Variants in EXOC6B observed in about 807,000 individuals in gnomAD.
EXOC6B encodes SEC15 homolog B.
In EXOC6B, 54 loss-of-function variants were observed where a neutral mutation model predicts 113.5. The ratio of observed to expected loss-of-function variants is 0.48; its 90% CI spans 0.38 to 0.60. The LOEUF (loss-of-function observed/expected upper bound fraction) is 0.60. Among genes scored for constraint, EXOC6B ranks in the 20% least tolerant of loss-of-function variants. The pLI, the probability that EXOC6B is intolerant of heterozygous loss-of-function variation, is 0.00. For synonymous variants in EXOC6B, 357 were observed against 339.0 expected, an observed-to-expected ratio of 1.05 and a Z score of -0.58; for missense variants, 797 against 977.5, an observed-to-expected ratio of 0.82 and a Z score of 2.46.
In EXOC6B at chr2:72,455,837, AAG is replaced by A. The variant is rs373619289; in HGVS notation, c.1980+9321_1980+9322del. Among the ~76,000 whole-genome samples, 22 of 152,194 alleles carry A rather than the reference AAG, an allele frequency of 1.4e-4. 2 individuals carry two copies. The highest frequency in any genetic ancestry group is 4.6e-4 in the African/African-American group (19 of 41,552). The stretch of plus-strand genomic sequence containing the variant: ...AGACACACAGAGAGAGAGAAAGAAA[AAG>A]AGAGAAACAGAGAGGGAGAGGACAC... On this transcript the variant is annotated intron_variant, in intron 18 of 21. Transcript: ENST00000272427.
At chr2:72,775,798 T>C (rs1056259889) in intron 1 of EXOC6B, among the ~76,000 whole-genome samples, 3 of 152,126 alleles carry the variant, frequency 2.0e-5, no homozygotes, top group African/African-American at 7.2e-5. Flanking sequence ...ACCATAGCAA[T>C]CATTACAGTG....
chr2:72,797,831 TTAATTAA>T (rs1212286208), intron 1 of EXOC6B, among the ~76,000 whole-genome samples: 8 of 150,226 alleles, frequency 5.3e-5, no homozygotes, highest in Non-Finnish European at 1.2e-4. Flanking sequence ...AATTAATTAA[TTAATTAA>T]TAATAATAAT....
chr2:72,780,367 C>T (rs1683951951), intron 1 of EXOC6B, among the ~76,000 whole-genome samples: 1 of 152,166 alleles, frequency 6.6e-6, no homozygotes, highest in Non-Finnish European at 1.5e-5. Context: ...AAAGAACAAG[C>T]TCTAACACTT....
chr2:72,433,018 T>C (rs1695636567), intron 18 of EXOC6B, among the ~76,000 whole-genome samples: 1 of 152,246 alleles, frequency 6.6e-6, no homozygotes, highest in Non-Finnish European at 1.5e-5. Context: ...GCCTAGGTTT[T>C]CTTCTACAGT....
At chr2:72,289,655 G>T (rs545887264) in intron 20 of EXOC6B, among the ~76,000 whole-genome samples, 3 of 152,266 alleles carry the variant, frequency 2.0e-5, no homozygotes, top group Admixed American at 6.5e-5. Flanking sequence ...AGAATGCCCA[G>T]ATATTTTGTC....
At chr2:72,185,619 C>G (rs1211327086) in intron 20 of EXOC6B, among the ~76,000 whole-genome samples, 2 of 152,166 alleles carry the variant, frequency 1.3e-5, no homozygotes. Flanking sequence ...CAGGTCATGC[C>G]TATTTTCATT....
At chr2:72,351,057 A>G (rs1275238449) in intron 19 of EXOC6B, among the ~76,000 whole-genome samples, 1 of 152,184 alleles carries the variant, frequency 6.6e-6, no homozygotes. Context: ...TGACGGGCAG[A>G]CAGCTGAGAA....
chr2:72,381,062 A>G (rs1283365682), intron 18 of EXOC6B, among the ~76,000 whole-genome samples: 2 of 152,182 alleles, frequency 1.3e-5, no homozygotes, highest in African/African-American at 2.4e-5. Flanking sequence ...CTCCTTAATC[A>G]TGTTCCTCCC....
chr2:72,790,830 T>C (rs1434649005), intron 1 of EXOC6B, among the ~76,000 whole-genome samples: 1 of 151,900 alleles, frequency 6.6e-6, no homozygotes, highest in Non-Finnish European at 1.5e-5. Context: ...GAACTGAAAA[T>C]AGGCCTATTG....
chr2:72,516,985 T>G lies in EXOC6B; in HGVS notation c.916-1859A>C, dbSNP rs74838580. On this transcript the variant is annotated intron_variant, in intron 8 of 21. Coordinates refer to ENST00000272427, the MANE Select transcript of EXOC6B (RefSeq NM_015189.3). ...GCCTTCCTGAAAAATTGAAGAACTTTATTCAAGATGATTTATTTGTTAGAT... is the reference window on the plus strand; with the variant it reads ...GCCTTCCTGAAAAATTGAAGAACTTGATTCAAGATGATTTATTTGTTAGAT... Among the ~76,000 whole-genome samples, 1,519 of 152,354 alleles carry G rather than the reference T, an allele frequency of 1.0e-2. 9 individuals carry two copies. Among genetic ancestry groups the G allele is most frequent in the Middle Eastern group, 0.027 (8 of 294 alleles).
chr2:72,277,178 C>A, intron 20 of EXOC6B, among the ~76,000 whole-genome samples: 1 of 152,110 alleles, frequency 6.6e-6, no homozygotes, highest in East Asian at 1.9e-4. Flanking sequence ...GTTGCTGAAT[C>A]CAGTGATTTA....
chr2:72,397,636 A>T lies in EXOC6B; in HGVS notation c.1981-17766T>A, dbSNP rs1338543423. ...TCATCTCAAAAAAAAAAAATAAAAT[A>T]AAATAAAATAAAATAAAATAAAATT... is the stretch of plus-strand genomic sequence containing the variant. On this transcript the variant is annotated intron_variant, in intron 18 of 21. Transcript: ENST00000272427. Among the ~76,000 whole-genome samples, 508 of 121,200 alleles carry T rather than the reference A, an allele frequency of 4.2e-3. 9 individuals are homozygous for T. Among genetic ancestry groups the T allele is most frequent in the African/African-American group, 0.025 (469 of 18,924 alleles). The allele number at this position is 121,200 out of a possible 152,430, so 79.5% of individuals were successfully genotyped here. A position where few individuals can be genotyped will look rare whatever the true frequency, so the allele number is the denominator to read the frequency against.
intron 1 of EXOC6B, among the ~76,000 whole-genome samples, chr2:72,756,028 C>T (rs1479657981): frequency 1.3e-5 from 2 of 152,182 alleles, no homozygotes; most frequent in East Asian, 3.8e-4. Flanking sequence ...ACAAAGTTAA[C>T]TCTCAAAGGA....
intron 20 of EXOC6B, among the ~76,000 whole-genome samples, chr2:72,235,195 C>T (rs1306859940): frequency 2.6e-5 from 4 of 152,176 alleles, no homozygotes; most frequent in African/African-American, 9.7e-5. Flanking sequence ...GGTACATATA[C>T]ACCATGGAAT....
At chr2:72,809,187 G>T (rs944439527) in intron 1 of EXOC6B, among the ~76,000 whole-genome samples, 2 of 151,864 alleles carry the variant, frequency 1.3e-5, no homozygotes, top group Non-Finnish European at 2.9e-5. Flanking sequence ...AAAAAGGAAA[G>T]AATAAACAAA....
At position 72,209,556 on chromosome 2, in the gene EXOC6B, C is replaced by A. The variant is rs142866377; in HGVS notation, c.2197-25369G>T. 1.1e-3 allele frequency among the ~76,000 whole-genome samples: 174 copies of A among 152,202 alleles called. 1 individual carries two copies. The highest frequency in any genetic ancestry group is 3.4e-3 in the Middle Eastern group (1 of 294). On this transcript the variant is annotated intron_variant, in intron 20 of 21. Transcript: ENST00000272427. ...GGTTTCTAAAGAAGCAAAGCTCAGA[C>A]TTCCCTAAAATTCTTTATCTTAGCA... is the stretch of plus-strand genomic sequence containing the variant.
At chr2:72,820,457 G>A (rs1221667278) in intron 1 of EXOC6B, among the ~76,000 whole-genome samples, 1 of 151,970 alleles carries the variant, frequency 6.6e-6, no homozygotes, top group Admixed American at 6.6e-5. Context: ...AATTCCAGAA[G>A]ACAATAATCA....
chr2:72,263,691 G>T (rs1683873574), intron 20 of EXOC6B, among the ~76,000 whole-genome samples: 1 of 152,300 alleles, frequency 6.6e-6, no homozygotes, highest in South Asian at 2.1e-4. Context: ...TTACTGCATG[G>T]TAAATCATAA....
chr2:72,583,245 A>C (rs905131329), intron 6 of EXOC6B, among the ~76,000 whole-genome samples: 6 of 152,222 alleles, frequency 3.9e-5, no homozygotes, highest in Admixed American at 1.3e-4. Flanking sequence ...CATTCCTAAG[A>C]GTGAAGAAGA....
Sources: allele counts gnomAD v4.1 joint callset (sites outside exome capture counted in the v4.1 genomes callset), GRCh38; gene constraint gnomAD v4.1.1; transcripts MANE v1.5; gene names NCBI Gene and HGNC (gene_info 2026-07-23, HGNC 2026-07-21).